VPS13D: variants seen among roughly 807,000 people sequenced by gnomAD.
VPS13D encodes vacuolar protein sorting 13 homolog D, also known as intermembrane lipid transfer protein VPS13D.
VPS13D carries 187 observed loss-of-function variants against 461.9 expected under a neutral mutation model. The ratio of observed to expected loss-of-function variants is 0.40; its 90% CI spans 0.36 to 0.46. VPS13D has a LOEUF of 0.46. VPS13D is among the 20% of genes least tolerant of loss of function. VPS13D has a pLI of 0.60. For missense variants in VPS13D, 4,711 were observed against 5,364.9 expected, an observed-to-expected ratio of 0.88 and a Z score of 3.81; for synonymous variants, 1,951 against 1,986.3, an observed-to-expected ratio of 0.98 and a Z score of 0.47.
chr1:12,405,560 A>G (rs540177738), intron 63 of VPS13D, among the ~76,000 whole-genome samples: 3 of 152,304 alleles, frequency 2.0e-5, no homozygotes, highest in Non-Finnish European at 2.9e-5. Context: ...TCTTGCAGCC[A>G]TCTCTGGAAG....
intron 13 of VPS13D, among the ~76,000 whole-genome samples, chr1:12,264,192 A>G (rs1641197805): frequency 6.6e-6 from 1 of 152,128 alleles, no homozygotes; most frequent in African/African-American, 2.4e-5. Context: ...CCGACTGGCC[A>G]TTTCCTTGTC....
chr1:12,460,182 C>G lies in VPS13D; in HGVS notation c.12467-19C>G. 1.3e-6 allele frequency: 2 copies of G among 1,555,944 alleles called. No individual in the cohort carries two copies. The highest frequency in any genetic ancestry group is 1.7e-6 in the Non-Finnish European group (2 of 1,149,726). On this transcript the variant is annotated intron_variant, in intron 66 of 69. Coordinates refer to ENST00000620676, the MANE Select transcript of VPS13D (RefSeq NM_015378.4). Reference sequence around the variant, plus strand: ...TTTTGTCCTCGTCAGGTTACAACAGCCCTTGTCTTTTTCACTAGGTATCAT... The same window carrying G: ...TTTTGTCCTCGTCAGGTTACAACAGGCCTTGTCTTTTTCACTAGGTATCAT...
intron 2 of VPS13D, among the ~76,000 whole-genome samples, chr1:12,238,012 G>A (rs1010407302): frequency 6.6e-6 from 1 of 151,912 alleles, no homozygotes; most frequent in Non-Finnish European, 1.5e-5. Context: ...AAAAGTTAGC[G>A]GGGGTGGTGG....
chr1:12,445,614 C>T (rs1557443435), intron 65 of VPS13D, among the ~76,000 whole-genome samples: 1 of 152,288 alleles, frequency 6.6e-6, no homozygotes, highest in East Asian at 1.9e-4. Context: ...CTAGGCAAAT[C>T]CTAGGCAAAG....
intron 5 of VPS13D, among the ~76,000 whole-genome samples, chr1:12,247,536 A>T (rs757725493): frequency 4.6e-5 from 7 of 152,052 alleles, no homozygotes; most frequent in Non-Finnish European, 1.0e-4. Context: ...AACAAAAAGC[A>T]AACATTTATT....
intron 2 of VPS13D, 30 bp downstream of exon 2, chr1:12,234,393 T>C: frequency 6.4e-7 from 1 of 1,557,702 alleles, no homozygotes; most frequent in Non-Finnish European, 8.8e-7. Flanking sequence ...AGATACAGCT[T>C]TATAGGTGGC....
chr1:12,396,899 C>A (rs190542759), intron 60 of VPS13D, among the ~76,000 whole-genome samples: 75 of 152,206 alleles, frequency 4.9e-4, no homozygotes, highest in Non-Finnish European at 7.9e-4. Flanking sequence ...GTTTCCTTAA[C>A]TTTATTCTTT....
At chr1:12,230,312 T>A (rs1235798761) in intron 1 of VPS13D, among the ~76,000 whole-genome samples, 192 bp downstream of exon 1, 1 of 151,976 alleles carries the variant, frequency 6.6e-6, no homozygotes, top group Non-Finnish European at 1.5e-5. Context: ...ACCCTGGGCG[T>A]CTGCTCCCCC....
At chr1:12,321,739 C>T (rs17037982) in intron 32 of VPS13D, 70 bp from the exon 33 acceptor site, 24,376 of 1,507,504 alleles carry the variant, frequency 0.016, 847 homozygotes, top group Admixed American at 0.15. Flanking sequence ...GAGATAGCCT[C>T]TTTGTGCTGG....
chr1:12,479,072 G>C (rs1328889295), intron 67 of VPS13D, among the ~76,000 whole-genome samples: 1 of 152,208 alleles, frequency 6.6e-6, no homozygotes, highest in African/African-American at 2.4e-5. Context: ...GAGGCCGGTG[G>C]CCCCATGGGA....
chr1:12,355,054 G>A (rs1304528203), intron 47 of VPS13D, among the ~76,000 whole-genome samples: 1 of 152,188 alleles, frequency 6.6e-6, no homozygotes, highest in Non-Finnish European at 1.5e-5. Context: ...AGAAATCAGA[G>A]GTGAAGTACA....
chr1:12,238,711 A>G lies in VPS13D; in HGVS notation c.98-3802A>G, dbSNP rs377363481. On this transcript the variant is annotated intron_variant, in intron 2 of 69. Transcript: ENST00000620676. ...CAGTAGTAGGATCATAGCTCCCTGC[A>G]GCCTCGAACTTTTGGCGATCCTGAA... Among the ~76,000 whole-genome samples the G allele has an allele frequency of 2.5e-4, 38 of 150,700 alleles. 2 individuals are homozygous for G. The highest frequency in any genetic ancestry group is 2.0e-3 in the Admixed American group (30 of 15,010).
In VPS13D at chr1:12,289,563, CT is replaced by C. The variant is rs761225478; in HGVS notation, c.5725+1264del. On this transcript the variant is annotated intron_variant, in intron 22 of 69. Transcript: ENST00000620676. ...AGAAAAGCTTCTTAGAGGAGATTGG[CT>C]TTTTTTTTTTTTTCCTTCTTACAGC... Among the ~76,000 whole-genome samples, 354 of 140,808 alleles carry C rather than the reference CT, an allele frequency of 2.5e-3. 1 individual carries two copies. The highest frequency in any genetic ancestry group is 8.8e-3 in the East Asian group (43 of 4,890). The allele number at this position is 140,808 out of a possible 152,430, so 92.4% of individuals were successfully genotyped here.
At position 12,358,506 on chromosome 1, in the gene VPS13D, G is replaced by C; in HGVS notation, c.10046G>C (p.Gly3349Ala). 2 of 1,614,208 alleles carry C rather than the reference G, an allele frequency of 1.2e-6. No individual in the cohort carries two copies. Among genetic ancestry groups the C allele is most frequent in the Non-Finnish European group, 1.7e-6 (2 of 1,180,036 alleles). Residue 3349 changes from glycine (G) to alanine (A), a missense_variant, in exon 50 of 70, where the codon GGC (glycine) becomes GCC (alanine). Transcript: ENST00000620676. ...GGGATTCATCCAGAAGGCATGCCGGGCTGGTGTCAGGGCTTCTCCCTGGAT... is the reference window on the plus strand; with the variant it reads ...GGGATTCATCCAGAAGGCATGCCGGCCTGGTGTCAGGGCTTCTCCCTGGAT... Reference protein sequence around the residue: ...GRGIHPEGMPGWCQGFSLDGG... With the variant: ...GRGIHPEGMPAWCQGFSLDGG...
rs1644243935 is a variant in VPS13D, at chr1:12,379,498, C to G, written c.11092C>G (p.Leu3698Val). The G allele has an allele frequency of 6.2e-7, 1 of 1,612,800 alleles. No homozygotes were observed. Residue 3698 changes from leucine (L) to valine (V), a missense_variant, in exon 57 of 70, where the codon CTG becomes GTG. Physicochemically the swap from Leu to Val is conservative, Grantham distance 32 (BLOSUM62 1). This residue lies in a region of VPS13D where 4,411 missense variants were observed against 4,937.8 expected (regional missense o/e 0.89). Coordinates refer to ENST00000620676, the MANE Select transcript of VPS13D (RefSeq NM_015378.4). ...AAVTDNRYEP[L>V]MLRKPDRRRS... ...TATTCCGTTTTCCAGATACGAGCCACTGATGCTGAGAAAGCCTGACCGCAG... is the reference window on the plus strand; with the variant it reads ...TATTCCGTTTTCCAGATACGAGCCAGTGATGCTGAGAAAGCCTGACCGCAG...
At chr1:12,253,568 CTG>C (rs1374514107) in intron 6 of VPS13D, among the ~76,000 whole-genome samples, 152 bp from the exon 7 acceptor site, 2 of 152,210 alleles carry the variant, frequency 1.3e-5, no homozygotes, top group Non-Finnish European at 1.5e-5. Flanking sequence ...ATTTTGAACT[CTG>C]TAAGAGCAGA....
chr1:12,430,836 A>G (rs1247425467), intron 65 of VPS13D, among the ~76,000 whole-genome samples: 1 of 152,224 alleles, frequency 6.6e-6, no homozygotes, highest in Non-Finnish European at 1.5e-5. Context: ...TCACTAAGAA[A>G]CAAAGCAAAA....
Position 12,355,964 on chromosome 1 carries a change from A to G in VPS13D, c.9745A>G (p.Met3249Val), listed in dbSNP as rs1346751305. ...LLIPPGTQNY[M>V]VRMRLYDVNR... ...CATTCCACCTGGAACCCAAAACTAT[A>G]TGGTGAGAATGCGACTCTATGACGT... Residue 3249 changes from methionine (M) to valine (V), a missense_variant, in exon 48 of 70, where the codon ATG (methionine) becomes GTG (valine). By Grantham distance (21) the Met-to-Val change is conservative. Transcript: ENST00000620676. The G allele has an allele frequency of 4.3e-6, 7 of 1,613,224 alleles. No individual in the cohort carries two copies. The highest frequency in any genetic ancestry group is 1.3e-5 in the African/African-American group (1 of 74,920).
At position 12,368,577 on chromosome 1, in the gene VPS13D, G is replaced by T. The variant is rs148356821; in HGVS notation, c.10558G>T (p.Asp3520Tyr). ...TCAGTTACCTCCTCCTTTCCGAATT[G>T]ACAACTTTTCTAAGGTATCAAGTGG... is the stretch of plus-strand genomic sequence containing the variant. ...TDQLPPPFRI[D>Y]NFSKVPVVFT... The change falls in exon 53 of 70, where the codon GAC (aspartate) becomes TAC (tyrosine). Residue 3520 changes from aspartate to tyrosine, a missense_variant. This residue lies in a region of VPS13D where 4,411 missense variants were observed against 4,937.8 expected (regional missense o/e 0.89). Transcript: ENST00000620676. 5.5e-5 allele frequency: 89 copies of T among 1,612,722 alleles called. 1 individual carries two copies. In the Middle Eastern group the frequency reaches 8.2e-4, roughly 15 times the overall value.
Sources: gnomAD v4.1 joint callset for allele counts (sites outside exome capture counted in the v4.1 genomes callset) on GRCh38, gnomAD v4.1.1 for gene constraint, gnomAD v4.1.1 regional missense constraint, MANE v1.5 for transcripts, NCBI Gene and HGNC (gene_info 2026-07-23, HGNC 2026-07-21) for gene names.